The following WWC2 variants were observed in gnomAD, a reference collection of about 807,000 sequenced individuals.
WWC2 encodes WW and C2 domain containing 2.
In WWC2, 101 loss-of-function variants were observed where a neutral mutation model predicts 138.5. The observed-to-expected ratio is 0.73, with a 90% CI of 0.62 to 0.86. The LOEUF (loss-of-function observed/expected upper bound fraction) is 0.86. Among genes scored for constraint, WWC2 ranks in the 40% least tolerant of loss-of-function variants. WWC2 has a pLI of 0.00. For missense variants in WWC2, 1,420 were observed against 1,419.4 expected (o/e 1.00, Z -0.01); for synonymous variants, 558 against 538.4 (o/e 1.04, Z -0.50).
intron 1 of WWC2, among the ~76,000 whole-genome samples, chr4:183,141,370 A>G (rs763448272): frequency 2.0e-5 from 3 of 152,088 alleles, no homozygotes; most frequent in East Asian, 1.9e-4. Context: ...CATCAATTCT[A>G]TGAGATCAAA....
chr4:183,201,635 TAAC>T (rs1735301457), intron 2 of WWC2, among the ~76,000 whole-genome samples: 1 of 152,178 alleles, frequency 6.6e-6, no homozygotes, highest in Admixed American at 6.5e-5. Flanking sequence ...AACGAACAAA[TAAC>T]AAATAAATAT....
At chr4:183,284,644 G>T (rs1738188412) in intron 19 of WWC2, among the ~76,000 whole-genome samples, 1 of 152,192 alleles carries the variant, frequency 6.6e-6, no homozygotes, top group Non-Finnish European at 1.5e-5. Context: ...TTAAGGATCT[G>T]AGTGCTGAGT....
intron 1 of WWC2, among the ~76,000 whole-genome samples, chr4:183,191,568 C>G (rs1275495236): frequency 6.6e-6 from 1 of 152,190 alleles, no homozygotes; most frequent in Non-Finnish European, 1.5e-5. Flanking sequence ...GCCCAGATCT[C>G]TTTGATGCCA....
intron 1 of WWC2, among the ~76,000 whole-genome samples, chr4:183,177,562 C>T (rs1383918038): frequency 1.3e-5 from 2 of 152,012 alleles, no homozygotes; most frequent in African/African-American, 2.4e-5. Flanking sequence ...GTTTCCTCTT[C>T]TTAATAAATA....
intron 1 of WWC2, among the ~76,000 whole-genome samples, chr4:183,154,563 A>T (rs1733741168): frequency 6.6e-6 from 1 of 152,066 alleles, no homozygotes; most frequent in South Asian, 2.1e-4. Context: ...CATTTCTATA[A>T]CCAAATGGCT....
chr4:183,102,942 G>T (rs1301653556), intron 1 of WWC2, among the ~76,000 whole-genome samples: 9 of 151,614 alleles, frequency 5.9e-5, no homozygotes, highest in Non-Finnish European at 1.2e-4. Context: ...TTGCCTTTTG[G>T]AGGAGTAGGG....
intron 1 of WWC2, among the ~76,000 whole-genome samples, chr4:183,105,364 G>C (rs992899607): frequency 1.3e-5 from 2 of 152,196 alleles, no homozygotes; most frequent in Non-Finnish European, 2.9e-5. Context: ...GCCCTGCATT[G>C]CCTTGTAAAT....
At chr4:183,177,670 A>G (rs553554891) in intron 1 of WWC2, among the ~76,000 whole-genome samples, 1 of 152,282 alleles carries the variant, frequency 6.6e-6, no homozygotes, top group South Asian at 2.1e-4. Flanking sequence ...AAAAAAAAAG[A>G]GTAACATTTA....
intron 18 of WWC2, among the ~76,000 whole-genome samples, chr4:183,283,973 T>C (rs111640609): frequency 6.6e-6 from 1 of 152,202 alleles, no homozygotes; most frequent in South Asian, 2.1e-4. Context: ...TGGACAGATA[T>C]CACACGGCCT....
At chr4:183,119,964 A>C (rs1732548530) in intron 1 of WWC2, among the ~76,000 whole-genome samples, 1 of 152,214 alleles carries the variant, frequency 6.6e-6, no homozygotes, top group African/African-American at 2.4e-5. Context: ...CACAGAACTT[A>C]AATTTATTTG....
intron 14 of WWC2, among the ~76,000 whole-genome samples, chr4:183,266,207 C>T (rs371935599): frequency 6.6e-6 from 1 of 152,226 alleles, no homozygotes; most frequent in East Asian, 1.9e-4. Context: ...ACCAGAAGCA[C>T]TGTTTTATGC....
At chr4:183,150,748 C>T (rs956698192) in intron 1 of WWC2, among the ~76,000 whole-genome samples, 1 of 152,030 alleles carries the variant, frequency 6.6e-6, no homozygotes, top group African/African-American at 2.4e-5. Context: ...TCTCATTGTT[C>T]AATTCCCACC....
intron 2 of WWC2, among the ~76,000 whole-genome samples, chr4:183,206,289 T>A (rs1038582831): frequency 1.3e-5 from 2 of 152,288 alleles, no homozygotes; most frequent in South Asian, 2.1e-4. Context: ...CTTTGTTTTT[T>A]AAAAATCTCT....
chr4:183,138,938 C>CTGG, intron 1 of WWC2, among the ~76,000 whole-genome samples: 2 of 152,274 alleles, frequency 1.3e-5, no homozygotes, highest in South Asian at 4.1e-4. Context: ...CAGGTAACAG[C>CTGG]TGGATAGGTG....
At chr4:183,112,605 A>G (rs1249126898) in intron 1 of WWC2, among the ~76,000 whole-genome samples, 1 of 152,244 alleles carries the variant, frequency 6.6e-6, no homozygotes, top group African/African-American at 2.4e-5. Context: ...TGCCTAGCAC[A>G]TACATTTCGG....
intron 1 of WWC2, among the ~76,000 whole-genome samples, chr4:183,168,617 A>G (rs72699196): frequency 0.024 from 3,619 of 152,212 alleles, 70 homozygotes; most frequent in Non-Finnish European, 0.037. Context: ...TTGGGGCCAC[A>G]TCAATGTCTG....
chr4:183,236,693 A>G (rs141002024), intron 4 of WWC2, among the ~76,000 whole-genome samples: 1 of 152,356 alleles, frequency 6.6e-6, no homozygotes, highest in East Asian at 1.9e-4. Flanking sequence ...TGCTTTAACA[A>G]TTTGAAGTCA....
rs891819063 is a variant in WWC2 at position 183,316,307 on chromosome 4, T to C, written c.*578T>C. 3.9e-5 allele frequency: 6 copies of C among 152,316 alleles called. No homozygotes were observed. The highest frequency in any genetic ancestry group is 1.4e-4 in the African/African-American group (6 of 41,472). 9.4% of individuals were successfully genotyped at this position (152,316 alleles called of 1,614,324 possible). A position where few individuals can be genotyped will look rare whatever the true frequency, so the allele number is the denominator to read the frequency against. ...TGGTTTCCTTAAGACAATTTCCTTT[T>C]TGTCCTTTTATATTTTTCTAAAGAA... is the stretch of plus-strand genomic sequence containing the variant. On this transcript the variant is annotated 3_prime_UTR_variant, in exon 23 of 23. Coordinates refer to ENST00000403733, the MANE Select transcript of WWC2 (RefSeq NM_024949.6).
rs182287387 is a variant in WWC2 at position 183,258,345 on chromosome 4, C to T, written c.1197-1294C>T. On this transcript the variant is annotated intron_variant, in intron 9 of 22. Transcript: ENST00000403733. Reference sequence around the variant, plus strand: ...AAAGCCATGAATTAAGAATTTATCGCGCTTTTGAAGTATTAAAGAAAATGG... The same window carrying T: ...AAAGCCATGAATTAAGAATTTATCGTGCTTTTGAAGTATTAAAGAAAATGG... Among the ~76,000 whole-genome samples the T allele has an allele frequency of 3.0e-3, 459 of 152,152 alleles. 13 individuals carry two copies. Among genetic ancestry groups the T allele is most frequent in the Non-Finnish European group, 7.5e-4 (51 of 68,008 alleles).
Sources: gnomAD v4.1 joint callset for allele counts (sites outside exome capture counted in the v4.1 genomes callset) on GRCh38, gnomAD v4.1.1 for gene constraint, MANE v1.5 for transcripts, NCBI Gene and HGNC (gene_info 2026-07-23, HGNC 2026-07-21) for gene names.